Variants in TRABD2B observed in about 807,000 individuals in gnomAD.
TRABD2B encodes the protein TraB domain containing 2B.
A neutral mutation model predicts 40.1 loss-of-function variants in TRABD2B; 14 were observed. That is an observed-to-expected ratio of 0.35 (90% CI 0.23 to 0.55). The LOEUF (loss-of-function observed/expected upper bound fraction) is 0.55. Among genes scored for constraint, TRABD2B ranks in the 20% least tolerant of loss-of-function variants. The probability of loss-of-function intolerance (pLI) is 0.90; values close to 1 mark genes in which losing one functional copy is unlikely to be tolerated. For missense variants in TRABD2B, 541 were observed against 648.6 expected (o/e 0.83, Z 1.80); for synonymous variants, 263 against 277.0 (o/e 0.95, Z 0.50).
chr1:47,769,634 A>T (rs1008793863), intron 6 of TRABD2B, among the ~76,000 whole-genome samples: 4 of 152,254 alleles, frequency 2.6e-5, no homozygotes, highest in Admixed American at 6.5e-5. Context: ...ACAATGGGGG[A>T]AACTGTCTCA....
chr1:47,992,139 C>T (rs1038563168), intron 2 of TRABD2B, among the ~76,000 whole-genome samples: 21 of 152,154 alleles, frequency 1.4e-4, no homozygotes, highest in Non-Finnish European at 2.9e-4. Context: ...TTTTGAGGAG[C>T]TGGACCAAAG....
chr1:47,893,323 C>CT (rs1644475224), intron 2 of TRABD2B, among the ~76,000 whole-genome samples: 1 of 152,064 alleles, frequency 6.6e-6, no homozygotes, highest in Admixed American at 6.5e-5. Flanking sequence ...GGACAGAGTG[C>CT]ATTCACAGAA....
intron 2 of TRABD2B, among the ~76,000 whole-genome samples, chr1:47,916,421 C>T (rs887453954): frequency 6.9e-4 from 105 of 152,030 alleles, no homozygotes; most frequent in Non-Finnish European, 1.3e-3. Flanking sequence ...GGGGACCAGG[C>T]GTGGGATGAG....
intron 2 of TRABD2B, among the ~76,000 whole-genome samples, chr1:47,857,631 A>G (rs1361925267): frequency 6.6e-6 from 1 of 151,980 alleles, no homozygotes; most frequent in Non-Finnish European, 1.5e-5. Flanking sequence ...ATTCTGATCA[A>G]CATCAGTTTC....
intron 6 of TRABD2B, among the ~76,000 whole-genome samples, chr1:47,770,078 G>A (rs1644358896): frequency 6.6e-6 from 1 of 152,198 alleles, no homozygotes; most frequent in Admixed American, 6.5e-5. Flanking sequence ...AGCCATCCCA[G>A]TCTAGGATCT....
chr1:47,798,393 TCAGGC>T (rs942301735), intron 3 of TRABD2B, among the ~76,000 whole-genome samples: 24 of 152,336 alleles, frequency 1.6e-4, no homozygotes, highest in Non-Finnish European at 3.2e-4. Context: ...GTCTTGAGGC[TCAGGC>T]CAGGCTTCCA....
intron 2 of TRABD2B, among the ~76,000 whole-genome samples, chr1:47,837,530 G>A (rs1033211482): frequency 8.6e-5 from 13 of 151,732 alleles, no homozygotes; most frequent in African/African-American, 2.7e-4. Context: ...CTCTGCTCCC[G>A]CCAAGGTCCC....
chr1:47,990,830 TATATAA>T (rs1645999814), intron 2 of TRABD2B, among the ~76,000 whole-genome samples: 3 of 92,622 alleles, frequency 3.2e-5, no homozygotes, highest in African/African-American at 1.3e-4. Flanking sequence ...TATATATATA[TATATAA>T]AACGTTGGTT....
chr1:47,898,672 T>A (rs940654493), intron 2 of TRABD2B, among the ~76,000 whole-genome samples: 1 of 152,170 alleles, frequency 6.6e-6, no homozygotes, highest in Non-Finnish European at 1.5e-5. Context: ...AGGCTATATA[T>A]AGCCTTGATC....
At chr1:47,895,149 G>C (rs952797455) in intron 2 of TRABD2B, among the ~76,000 whole-genome samples, 3 of 152,156 alleles carry the variant, frequency 2.0e-5, no homozygotes, top group African/African-American at 7.2e-5. Context: ...AATTCCCCAG[G>C]AGACGGCCAC....
At chr1:47,936,781 C>T (rs1024195933) in intron 2 of TRABD2B, among the ~76,000 whole-genome samples, 25 of 152,124 alleles carry the variant, frequency 1.6e-4, no homozygotes, top group Admixed American at 1.4e-3. Flanking sequence ...ACAGTACCTG[C>T]CACATTGGAA....
Position 47,785,564 on chromosome 1 carries a change from C to T in TRABD2B, c.989-7020G>A, listed in dbSNP as rs572518021. Among the ~76,000 whole-genome samples, 17 of 152,362 alleles carry T rather than the reference C, an allele frequency of 1.1e-4. No individual in the cohort carries two copies. In the East Asian group the frequency reaches 3.1e-3, roughly 28 times the overall value. On this transcript the variant is annotated intron_variant, in intron 4 of 6. Coordinates refer to ENST00000606738, the MANE Select transcript of TRABD2B (RefSeq NM_001194986.2). The stretch of plus-strand genomic sequence containing the variant: ...ACAAATTCCGAGAGGAGCAACCCTG[C>T]TGAGGCTAACAGAACTTGCCCTGTG...
chr1:47,903,409 T>C (rs2124684698), intron 2 of TRABD2B, among the ~76,000 whole-genome samples: 1 of 152,198 alleles, frequency 6.6e-6, no homozygotes, highest in South Asian at 2.1e-4. Flanking sequence ...TGTGAAGATC[T>C]CGCTGTGACA....
At chr1:47,866,393 T>C (rs1389847502) in intron 2 of TRABD2B, among the ~76,000 whole-genome samples, 1 of 152,094 alleles carries the variant, frequency 6.6e-6, no homozygotes, top group Non-Finnish European at 1.5e-5. Flanking sequence ...GCTCAAGAGA[T>C]ATAATTTGAC....
chr1:47,843,177 G>A (rs777255600), intron 2 of TRABD2B, among the ~76,000 whole-genome samples: 1 of 152,162 alleles, frequency 6.6e-6, no homozygotes, highest in Admixed American at 6.5e-5. Context: ...CTTTTCCTTA[G>A]AGCAAGGAGG....
chr1:47,914,847 A>G lies in TRABD2B; in HGVS notation c.666+79187T>C, dbSNP rs1221189960. Among the ~76,000 whole-genome samples, 22 of 152,174 alleles carry G rather than the reference A, an allele frequency of 1.4e-4. 1 individual carries two copies. Among genetic ancestry groups the G allele is most frequent in the Non-Finnish European group, 2.9e-5 (2 of 68,024 alleles). ...CCTGAGCCCTTCACTTATTCATCCA[A>G]AGGCACTGGCTTTAGGCTGAATGCT... is the stretch of plus-strand genomic sequence containing the variant. On this transcript the variant is annotated intron_variant, in intron 2 of 6. Coordinates refer to ENST00000606738, the MANE Select transcript of TRABD2B (RefSeq NM_001194986.2).
intron 2 of TRABD2B, among the ~76,000 whole-genome samples, chr1:47,965,850 C>T (rs1645594317): frequency 1.3e-5 from 2 of 152,140 alleles, no homozygotes; most frequent in African/African-American, 4.8e-5. Context: ...CTATCCCAGA[C>T]CCATGGAGAA....
In TRABD2B at chr1:47,856,312, C is replaced by T. The variant is rs145593606; in HGVS notation, c.667-54693G>A. Among the ~76,000 whole-genome samples the T allele has an allele frequency of 1.2e-3, 187 of 152,384 alleles. 1 individual carries two copies. Among genetic ancestry groups the T allele is most frequent in the African/African-American group, 4.3e-3 (178 of 41,596 alleles). ...GCCATGGATCCTGCTCTACCCTCTG[C>T]TGTCCTACTGCTGCCATGGTGCTTG... is the stretch of plus-strand genomic sequence containing the variant. On this transcript the variant is annotated intron_variant, in intron 2 of 6. Coordinates refer to ENST00000606738, the MANE Select transcript of TRABD2B (RefSeq NM_001194986.2).
intron 3 of TRABD2B, among the ~76,000 whole-genome samples, chr1:47,798,559 C>T (rs1386492433): frequency 6.6e-6 from 1 of 152,302 alleles, no homozygotes; most frequent in Non-Finnish European, 1.5e-5. Context: ...TGGCCCCTTT[C>T]CCAGTGTTAT....
Sources: allele counts gnomAD v4.1 joint callset (sites outside exome capture counted in the v4.1 genomes callset), GRCh38; gene constraint gnomAD v4.1.1; transcripts MANE v1.5; gene names NCBI Gene and HGNC (gene_info 2026-07-23, HGNC 2026-07-21).